Variants in TMEM39A observed in about 807,000 individuals in gnomAD.
The protein encoded by TMEM39A is suppressor of SQST-1 aggregates in rpl-43 mutants.
TMEM39A carries 19 observed loss-of-function variants against 51.9 expected under a neutral mutation model. The observed-to-expected ratio is 0.37, with a 90% CI of 0.26 to 0.54. The LOEUF (loss-of-function observed/expected upper bound fraction) is 0.54. Among genes scored for constraint, TMEM39A ranks in the 20% least tolerant of loss-of-function variants. The probability of loss-of-function intolerance (pLI) is 0.88; values close to 1 mark genes in which losing one functional copy is unlikely to be tolerated. For synonymous variants in TMEM39A, 197 were observed against 220.2 expected (o/e 0.89, Z 0.93); for missense variants, 433 against 590.5 (o/e 0.73, Z 2.76).
chr3:119,444,893 G>A (rs911778857), intron 5 of TMEM39A, among the ~76,000 whole-genome samples: 26 of 152,098 alleles, frequency 1.7e-4, no homozygotes, highest in African/African-American at 6.0e-4. Context: ...GGGCAACATG[G>A]TAAAATCCTG....
chr3:119,441,433 A>G (rs1216871583), intron 5 of TMEM39A, among the ~76,000 whole-genome samples: 1 of 152,244 alleles, frequency 6.6e-6, no homozygotes, highest in Non-Finnish European at 1.5e-5. Flanking sequence ...TTTTGCTGAT[A>G]TGGTCTGGAT....
At chr3:119,450,569 C>T (rs2107679845) in intron 4 of TMEM39A, among the ~76,000 whole-genome samples, 1 of 152,170 alleles carries the variant, frequency 6.6e-6, no homozygotes, top group South Asian at 2.1e-4. Context: ...CACCCGTAAT[C>T]CCAGCACTTT....
chr3:119,450,826 C>CAAAA lies in TMEM39A; in HGVS notation c.420+1617_420+1620dup, dbSNP rs60326718. Among the ~76,000 whole-genome samples, 158 of 55,780 alleles carry CAAAA rather than the reference C, an allele frequency of 2.8e-3. 9 individuals carry two copies. The highest frequency in any genetic ancestry group is 6.1e-3 in the African/African-American group (83 of 13,710). The allele number at this position is 55,780 out of a possible 152,430, so 36.6% of individuals were successfully genotyped here. On this transcript the variant is annotated intron_variant, in intron 4 of 8. Transcript: ENST00000319172. ...TAGGCGACAGAGCCAGACTCCATCT[C>CAAAA]AAAAAAAAAAAAAAAAAAAAAAAAA... is the stretch of plus-strand genomic sequence containing the variant.
intron 5 of TMEM39A, among the ~76,000 whole-genome samples, chr3:119,443,652 C>T (rs1337014360): frequency 6.6e-6 from 1 of 151,944 alleles, no homozygotes; most frequent in African/African-American, 2.4e-5. Context: ...ATGGTGGCTC[C>T]CCTCTGTAAC....
intron 3 of TMEM39A, among the ~76,000 whole-genome samples, chr3:119,452,840 T>C (rs1237780712): frequency 1.3e-5 from 2 of 152,356 alleles, no homozygotes; most frequent in East Asian, 1.9e-4. Context: ...TGCAGAATTA[T>C]GGCAAGAATA....
chr3:119,440,717 T>C (rs2081041727), intron 5 of TMEM39A, among the ~76,000 whole-genome samples: 1 of 152,206 alleles, frequency 6.6e-6, no homozygotes, highest in South Asian at 2.1e-4. Flanking sequence ...ACTTTTGATT[T>C]TTAAATTGAA....
At chr3:119,451,830 C>CAAAAAAAAAAAAA (rs10653676) in intron 4 of TMEM39A, among the ~76,000 whole-genome samples, 1 of 54,304 alleles carries the variant, frequency 1.8e-5, no homozygotes, top group South Asian at 9.4e-4. Flanking sequence ...AACTCCGTCT[C>CAAAAAAAAAAAAA]AAAAAAAAAA....
Position 119,461,974 on chromosome 3 carries a change from C to G in TMEM39A, c.101G>C (p.Gly34Ala), listed in dbSNP as rs751067844. 13 of 1,613,868 alleles carry G rather than the reference C, an allele frequency of 8.1e-6. No homozygotes were observed. Among genetic ancestry groups the G allele is most frequent in the Non-Finnish European group, 1.0e-5 (12 of 1,179,924 alleles). The change falls in exon 2 of 9, where the codon GGC becomes GCC. Residue 34 changes from glycine (G) to alanine (A), a missense_variant. Gly to Ala is a moderately conservative substitution (Grantham distance 60). Around this residue, in one of 3 missense-constraint regions of TMEM39A, gnomAD observed 170 missense variants for 239.8 expected, o/e 0.71. Transcript: ENST00000319172. ...LVGGGCGNGTGLRNRNGSAIG... is the reference protein window; with the variant it reads ...LVGGGCGNGTALRNRNGSAIG... ...ATTTTTTCTTTACCTGTTTCTCAAG[C>G]CTGTTCCATTGCCACAGCCTCCACC...
chr3:119,434,909 G>A, intron 7 of TMEM39A, 27 bp from the exon 8 acceptor site: 1 of 1,608,852 alleles, frequency 6.2e-7, no homozygotes, highest in Non-Finnish European at 8.5e-7. Context: ...TGCAATGTTA[G>A]CATATTGGCA....
intron 4 of TMEM39A, among the ~76,000 whole-genome samples, chr3:119,449,303 A>G (rs958427483): frequency 6.6e-6 from 1 of 152,134 alleles, no homozygotes; most frequent in African/African-American, 2.4e-5. Flanking sequence ...GCCGGGTGCA[A>G]TGGCTCACAC....
intron 5 of TMEM39A, among the ~76,000 whole-genome samples, chr3:119,445,043 G>A (rs2081105035): frequency 6.6e-6 from 1 of 151,754 alleles, no homozygotes. Flanking sequence ...TCGCTCTACT[G>A]CACTCCCGCC....
At chr3:119,445,466 T>C (rs1265538501) in intron 5 of TMEM39A, among the ~76,000 whole-genome samples, 1 of 152,208 alleles carries the variant, frequency 6.6e-6, no homozygotes, top group Non-Finnish European at 1.5e-5. Flanking sequence ...GGTTTCGCCA[T>C]GTTGGCGAGG....
Position 119,434,822 on chromosome 3 carries a change from A to T in TMEM39A, c.1173T>A (p.Tyr391Ter). 1 of 1,613,856 alleles carries T rather than the reference A, an allele frequency of 6.2e-7. No homozygotes were observed. Among genetic ancestry groups the T allele is most frequent in the Non-Finnish European group, 8.5e-7 (1 of 1,179,742 alleles). ...GVLVRHSRCLYRAMGPYNVAV... is the reference protein window; with the variant it reads ...GVLVRHSRCL ...CCACGTTGTAAGGCCCCATGGCTCT[A>T]TATAAACATCTGCTGTGCCGCACCA... The change falls in exon 8 of 9, where the codon TAT (tyrosine) becomes TAA (stop). Residue 391 changes from tyrosine to a stop codon, truncating the protein, a stop_gained. Transcript: ENST00000319172. LOFTEE classifies it high-confidence loss of function.
Position 119,431,975 on chromosome 3 carries a change from G to A in TMEM39A, c.*6C>T. 6.4e-7 allele frequency: 1 copy of A among 1,553,748 alleles called. No individual in the cohort carries two copies. The highest frequency in any genetic ancestry group is 8.8e-7 in the Non-Finnish European group (1 of 1,141,838). Reference sequence around the variant, plus strand: ...TCTGAGTTCTCCCTCATTGTTGAGAGGCAGCTTAGTTTGCCTTGAGTTCAT... The same window carrying A: ...TCTGAGTTCTCCCTCATTGTTGAGAAGCAGCTTAGTTTGCCTTGAGTTCAT... On this transcript the variant is annotated 3_prime_UTR_variant, in exon 9 of 9. Coordinates refer to ENST00000319172, the MANE Select transcript of TMEM39A (RefSeq NM_018266.3).
At chr3:119,442,453 C>A (rs1476603221) in intron 5 of TMEM39A, among the ~76,000 whole-genome samples, 1 of 152,096 alleles carries the variant, frequency 6.6e-6, no homozygotes, top group South Asian at 2.1e-4. Context: ...CATTCTGCAG[C>A]CATGAATCAA....
chr3:119,436,731 A>G, intron 7 of TMEM39A, 60 bp downstream of exon 7: 1 of 1,504,348 alleles, frequency 6.6e-7, no homozygotes, highest in Non-Finnish European at 9.0e-7. Flanking sequence ...TACAAAGCAA[A>G]TAAACATGAT....
chr3:119,436,672 A>T, intron 7 of TMEM39A, 119 bp downstream of exon 7: 1 of 1,110,974 alleles, frequency 9.0e-7, no homozygotes, highest in Non-Finnish European at 1.3e-6. Flanking sequence ...GCATCCATGT[A>T]AGACAAAAAC....
intron 8 of TMEM39A, among the ~76,000 whole-genome samples, chr3:119,432,714 G>A (rs1200115005): frequency 6.6e-6 from 1 of 152,024 alleles, no homozygotes; most frequent in Non-Finnish European, 1.5e-5. Flanking sequence ...GACAAGTTTG[G>A]GGAAAAGAGA....
intron 3 of TMEM39A, among the ~76,000 whole-genome samples, chr3:119,454,787 C>CA (rs1203770011): frequency 0.01 from 1,511 of 147,668 alleles, 27 homozygotes; most frequent in African/African-American, 0.033. Flanking sequence ...AACTCCGTCT[C>CA]AAAAAAAAAA....
Sources: allele counts gnomAD v4.1 joint callset (sites outside exome capture counted in the v4.1 genomes callset), GRCh38; gene constraint gnomAD v4.1.1; regional missense constraint gnomAD v4.1.1; transcripts MANE v1.5; gene names NCBI Gene and HGNC (gene_info 2026-07-23, HGNC 2026-07-21).